Variants in CELSR3 observed in about 807,000 individuals in gnomAD.
The protein encoded by CELSR3 is cadherin EGF LAG seven-pass G-type receptor 3, also known as EGF-like protein 1.
Under a neutral mutation model 270.0 loss-of-function variants are expected in CELSR3, and 73 were observed. The observed-to-expected ratio is 0.27, with a 90% CI of 0.22 to 0.33. CELSR3 has a LOEUF of 0.33. CELSR3 is among the 10% of genes least tolerant of loss of function. The pLI is 1.00. For synonymous variants in CELSR3, 1,780 were observed against 1,905.4 expected (o/e 0.93, Z 1.71); for missense variants, 3,614 against 4,533.8 (o/e 0.80, Z 5.83).
chr3:48,648,241 C>A, intron 19 of CELSR3, 25 bp downstream of exon 19: 4 of 1,318,110 alleles, frequency 3.0e-6, no homozygotes, highest in South Asian at 1.2e-5. Flanking sequence ...CTGCTGTGCC[C>A]CGCCCTACCC....
Position 48,651,826 on chromosome 3 carries a change from G to A in CELSR3, c.5923+51C>T, listed in dbSNP as rs986060858. 6.4e-7 allele frequency: 1 copy of A among 1,557,188 alleles called. No homozygotes were observed. Among genetic ancestry groups the A allele is most frequent in the Non-Finnish European group, 8.7e-7 (1 of 1,155,062 alleles). On this transcript the variant is annotated intron_variant, in intron 12 of 34. Coordinates refer to ENST00000164024, the MANE Select transcript of CELSR3 (RefSeq NM_001407.3). This position sits in a 1 kb window ranked among gnomAD's most constrained non-coding sequence, Gnocchi z 7.4. Reference sequence around the variant, plus strand: ...TCAGGTTCCCCAGTCTTCATCATGGGCCCCTAACGCCTGCCCAGGTCACCC... The same window carrying A: ...TCAGGTTCCCCAGTCTTCATCATGGACCCCTAACGCCTGCCCAGGTCACCC...
Position 48,638,169 on chromosome 3 carries a change from C to T in CELSR3, c.*36G>A, listed in dbSNP as rs1376783698. The T allele has an allele frequency of 5.6e-6, 9 of 1,598,726 alleles. No individual in the cohort carries two copies. Among genetic ancestry groups the T allele is most frequent in the African/African-American group, 2.7e-5 (2 of 74,546 alleles). ...TCTCCTGTTAGCCTAGATCCTCTGTCGCCCTCAGCTGTTCCTCGTCCACGC... is the reference window on the plus strand; with the variant it reads ...TCTCCTGTTAGCCTAGATCCTCTGTTGCCCTCAGCTGTTCCTCGTCCACGC... On this transcript the variant is annotated 3_prime_UTR_variant, in exon 35 of 35. Coordinates refer to ENST00000164024, the MANE Select transcript of CELSR3 (RefSeq NM_001407.3).
Position 48,649,174 on chromosome 3 carries a change from C to T in CELSR3, c.6514G>A (p.Glu2172Lys). 1 of 1,612,148 alleles carries T rather than the reference C, an allele frequency of 6.2e-7. No individual in the cohort carries two copies. Among genetic ancestry groups the T allele is most frequent in the South Asian group, 1.1e-5 (1 of 90,732 alleles). The change falls in exon 17 of 35, where the codon GAG becomes AAG. Residue 2172 changes from glutamate to lysine, a missense_variant. Glu to Lys is a moderately conservative substitution (Grantham distance 56, BLOSUM62 1). This residue lies in a region of CELSR3 where 1,331 missense variants were observed against 1,933.7 expected (regional missense o/e 0.69). Coordinates refer to ENST00000164024, the MANE Select transcript of CELSR3 (RefSeq NM_001407.3). ...RLCDEAQGWL[E>K]PDLFNCTSPA... ...GAGGTACAGTTGAAGAGGTCGGGCT[C>T]CAGCCAACCCTGGGCCTCATCACAC... is the stretch of plus-strand genomic sequence containing the variant.
chr3:48,651,646 A>C lies in CELSR3; in HGVS notation c.5996T>G (p.Leu1999Arg). ...PCQNQGSCRH[L>R]PGAPHGYTCD... ...GGTATAGCCATGGGGGGCTCCTGGC[A>C]GGTGCCGGCATGATCCCTGGTTCTG... The change falls in exon 13 of 35, where the codon CTG becomes CGG. Residue 1999 changes from leucine (L) to arginine (R), a missense_variant. By Grantham distance (102) the Leu-to-Arg change is moderately radical. Transcript: ENST00000164024. The surrounding 1 kb of genome is among the most constrained non-coding windows in gnomAD (Gnocchi z 7.4). 3 of 1,590,556 alleles carry C rather than the reference A, an allele frequency of 1.9e-6. No homozygotes were observed. The highest frequency in any genetic ancestry group is 2.3e-5 in the South Asian group (2 of 87,912).
Position 48,651,656 on chromosome 3 carries a change from A to G in CELSR3, c.5986T>C (p.Cys1996Arg). 1 of 1,589,254 alleles carries G rather than the reference A, an allele frequency of 6.3e-7. No individual in the cohort carries two copies. The highest frequency in any genetic ancestry group is 1.3e-5 in the African/African-American group (1 of 74,212). The change falls in exon 13 of 35, where the codon TGC becomes CGC. Residue 1996 changes from cysteine (C) to arginine (R), a missense_variant. Cys to Arg is a radical substitution (Grantham distance 180, BLOSUM62 -3). Around this residue, in one of 7 missense-constraint regions of CELSR3, gnomAD observed 1,331 missense variants for 1,933.7 expected, o/e 0.69. Transcript: ENST00000164024. This position sits in a 1 kb window ranked among gnomAD's most constrained non-coding sequence, Gnocchi z 7.4. ...LLNPCQNQGSCRHLPGAPHGY... is the reference protein window; with the variant it reads ...LLNPCQNQGSRRHLPGAPHGY... ...TGGGGGGCTCCTGGCAGGTGCCGGC[A>G]TGATCCCTGGTTCTGACAGGGGTTC...
In CELSR3 at chr3:48,642,642, G is replaced by T; in HGVS notation, c.8555+94C>A. 1 of 1,522,442 alleles carries T rather than the reference G, an allele frequency of 6.6e-7. No individual in the cohort carries two copies. The highest frequency in any genetic ancestry group is 8.8e-7 in the Non-Finnish European group (1 of 1,135,222). 94.3% of individuals were successfully genotyped at this position (1,522,442 alleles called of 1,614,324 possible). A position where few individuals can be genotyped will look rare whatever the true frequency, so the allele number is the denominator to read the frequency against. ...GGGCCCCAGATGGCCAAGATGGGTG[G>T]AGCCACCCGCCCTAGGACCTGGTCA... On this transcript the variant is annotated intron_variant, in intron 30 of 34. Transcript: ENST00000164024. This position sits in a 1 kb window ranked among gnomAD's most constrained non-coding sequence, Gnocchi z 6.1.
intron 28 of CELSR3, 77 bp from the exon 29 acceptor site, chr3:48,643,160 T>G (rs2047045594): frequency 2.1e-6 from 2 of 965,498 alleles, no homozygotes; most frequent in Admixed American, 3.6e-5. Flanking sequence ...GGGTCAGCAA[T>G]GGGGTCAGTC....
Position 48,646,325 on chromosome 3 carries a change from C to T in CELSR3, c.7296-68G>A, listed in dbSNP as rs570243000. 60 of 1,495,954 alleles carry T rather than the reference C, an allele frequency of 4.0e-5. No individual in the cohort carries two copies. The East Asian group carries it at 6.2e-4, about 16-fold the overall frequency. 92.7% of individuals were successfully genotyped at this position (1,495,954 alleles called of 1,614,324 possible). On this transcript the variant is annotated intron_variant, in intron 21 of 34. Coordinates refer to ENST00000164024, the MANE Select transcript of CELSR3 (RefSeq NM_001407.3). This position sits in a 1 kb window ranked among gnomAD's most constrained non-coding sequence, Gnocchi z 4.8. ...CATGCTCAGCCTGCTTGCCTCACCC[C>T]GTCTTCATGCCACTCGCCAGGGCTG...
rs1180073990 is a variant in CELSR3 at position 48,645,195 on chromosome 3, T to C, written c.7812A>G (p.Ala2604=). ...AGAAGTAGTGCAGGAGGATGGCGAC[T>C]GCAGTGCACACCAGCTGAGGGCAGG... ...HRTHNQLVCT[A]VAILLHYFFL... The change falls in exon 25 of 35, where the codon GCA becomes GCG. Residue 2604 remains alanine (A), a synonymous_variant. Coordinates refer to ENST00000164024, the MANE Select transcript of CELSR3 (RefSeq NM_001407.3). This position sits in a 1 kb window ranked among gnomAD's most constrained non-coding sequence, Gnocchi z 5.4. 1.3e-6 allele frequency: 2 copies of C among 1,578,010 alleles called. No individual in the cohort carries two copies. The highest frequency in any genetic ancestry group is 8.7e-7 in the Non-Finnish European group (1 of 1,155,354).
rs1055415155 is a variant in CELSR3 at position 48,639,631 on chromosome 3, C to G, written c.9911+43G>C. On this transcript the variant is annotated intron_variant, in intron 34 of 34. Coordinates refer to ENST00000164024, the MANE Select transcript of CELSR3 (RefSeq NM_001407.3). The surrounding 1 kb of genome is among the most constrained non-coding windows in gnomAD (Gnocchi z 4.1). ...AGGGCAGGGCACACAGGAGGTTGCC[C>G]TAAGCTGATGAGGGTGCAAGCAGGT... 1.7e-5 allele frequency: 28 copies of G among 1,602,872 alleles called. No individual in the cohort carries two copies. In the Admixed American group the frequency reaches 3.2e-4, roughly 18 times the overall value.
intron 28 of CELSR3, chr3:48,643,295 G>T: frequency 1.6e-6 from 1 of 626,772 alleles, no homozygotes; most frequent in Non-Finnish European, 2.8e-6. Context: ...GTGTGGATCA[G>T]CAAGGGGTCG....
At position 48,656,768 on chromosome 3, in the gene CELSR3, T is replaced by C; in HGVS notation, c.4329A>G (p.Pro1443=). 1.3e-6 allele frequency: 2 copies of C among 1,563,090 alleles called. No homozygotes were observed. Among genetic ancestry groups the C allele is most frequent in the South Asian group, 1.2e-5 (1 of 84,320 alleles). Residue 1443 remains proline, a synonymous_variant, in exon 2 of 35, where the codon CCA becomes CCG. Coordinates refer to ENST00000164024, the MANE Select transcript of CELSR3 (RefSeq NM_001407.3). ...ETELDLCYSN[P]CRNGGACARR... is the part of the protein sequence containing the mutation. ...GCGCGCAGGCTCCGCCGTTGCGACA[T>C]GGGTTGGAGTAGCAGAGGTCGAGCT...
Position 48,659,617 on chromosome 3 carries a change from C to T in CELSR3, c.3018G>A (p.Gly1006=), listed in dbSNP as rs1288440526. 1 of 1,614,058 alleles carries T rather than the reference C, an allele frequency of 6.2e-7. No individual in the cohort carries two copies. The highest frequency in any genetic ancestry group is 1.3e-5 in the African/African-American group (1 of 74,936). Residue 1006 remains glycine, a synonymous_variant, in exon 1 of 35, where the codon GGG becomes GGA. Transcript: ENST00000164024. The surrounding 1 kb of genome is among the most constrained non-coding windows in gnomAD (Gnocchi z 8.1). Reference sequence around the variant, plus strand: ...TGGGCTCAATGGTAAAATCTCCATCCCCATCTTCACCATTCTGGAAAGTGT... The same window carrying T: ...TGGGCTCAATGGTAAAATCTCCATCTCCATCTTCACCATTCTGGAAAGTGT... ...VQYTFQNGED[G]DGDFTIEPTS... is the part of the protein sequence containing the mutation.
Position 48,650,432 on chromosome 3 carries a change from C to CCGGGGCGGGGG in CELSR3, c.6472+47_6472+48insCCCCCGCCCCG. On this transcript the variant is annotated intron_variant, in intron 16 of 34. Transcript: ENST00000164024. The surrounding 1 kb of genome is among the most constrained non-coding windows in gnomAD (Gnocchi z 5.1). ...AGACATGGCTCTAGCAGTCAGAGTA[C>CCGGGGCGGGGG]AGGCCCACCCCCACCCTCAGTGATG... is the stretch of plus-strand genomic sequence containing the variant. 1 of 1,208,944 alleles carries CCGGGGCGGGGG rather than the reference C, an allele frequency of 8.3e-7. No homozygotes were observed. The highest frequency in any genetic ancestry group is 1.2e-6 in the Non-Finnish European group (1 of 844,584). 74.9% of individuals were successfully genotyped at this position (1,208,944 alleles called of 1,614,324 possible).
At position 48,647,002 on chromosome 3, in the gene CELSR3, G is replaced by A. The variant is rs747460912; in HGVS notation, c.7130-74C>T. 1.2e-5 allele frequency: 17 copies of A among 1,370,852 alleles called. No individual in the cohort carries two copies. In the Admixed American group the frequency reaches 1.3e-4, roughly 10 times the overall value. The allele number at this position is 1,370,852 out of a possible 1,614,324, so 84.9% of individuals were successfully genotyped here. On this transcript the variant is annotated intron_variant, in intron 20 of 34. Coordinates refer to ENST00000164024, the MANE Select transcript of CELSR3 (RefSeq NM_001407.3). ...CACCCACCAACCCAGCTCTGAACCC[G>A]ATCAAGCATGGGGGTCTCTTCCCTG...
chr3:48,649,160 G>T lies in CELSR3; in HGVS notation c.6528C>A (p.Phe2176Leu). Residue 2176 changes from phenylalanine (F) to leucine (L), a missense_variant, in exon 17 of 35, where the codon TTC becomes TTA. Phe to Leu is a conservative substitution (Grantham distance 22). Coordinates refer to ENST00000164024, the MANE Select transcript of CELSR3 (RefSeq NM_001407.3). Reference protein sequence around the residue: ...EAQGWLEPDLFNCTSPAFREL... With the variant: ...EAQGWLEPDLLNCTSPAFREL... ...CTCGAAAGGCAGGGGAGGTACAGTT[G>T]AAGAGGTCGGGCTCCAGCCAACCCT... 6.2e-7 allele frequency: 1 copy of T among 1,612,532 alleles called. No homozygotes were observed. The highest frequency in any genetic ancestry group is 8.5e-7 in the Non-Finnish European group (1 of 1,179,566).
intron 19 of CELSR3, 94 bp downstream of exon 19, chr3:48,648,172 A>T: frequency 6.9e-7 from 1 of 1,454,800 alleles, no homozygotes; most frequent in Non-Finnish European, 9.4e-7. Flanking sequence ...TGCCATTAAC[A>T]TTGGCATTGA....
Position 48,640,014 on chromosome 3 carries a change from G to T in CELSR3, c.9571C>A (p.Leu3191Met). 2 of 1,612,124 alleles carry T rather than the reference G, an allele frequency of 1.2e-6. No homozygotes were observed. Among genetic ancestry groups the T allele is most frequent in the Non-Finnish European group, 8.5e-7 (1 of 1,179,902 alleles). ...SRDPLLPSRP[L>M]DSLSRSSNSR... ...TTCGAGCTCCTAGACAGAGAGTCCA[G>T]CGGCCGGGATGGCAAGAGGGGGTCC... Residue 3191 changes from leucine to methionine, a missense_variant, in exon 34 of 35, where the codon CTG becomes ATG. Leu to Met is a conservative substitution (Grantham distance 15). Coordinates refer to ENST00000164024, the MANE Select transcript of CELSR3 (RefSeq NM_001407.3). This position sits in a 1 kb window ranked among gnomAD's most constrained non-coding sequence, Gnocchi z 7.5.
chr3:48,652,424 T>C lies in CELSR3; in HGVS notation c.5751+13A>G. 3.8e-6 allele frequency: 6 copies of C among 1,599,172 alleles called. No individual in the cohort carries two copies. The highest frequency in any genetic ancestry group is 5.1e-6 in the Non-Finnish European group (6 of 1,166,660). ...CCTAATGCCCCATATCACATTCCCA[T>C]GCTGACCCCCACCTGGATGCAGCCA... On this transcript the variant is annotated intron_variant, in intron 11 of 34. Transcript: ENST00000164024. This position sits in a 1 kb window ranked among gnomAD's most constrained non-coding sequence, Gnocchi z 4.3.
Sources: gnomAD v4.1 joint callset for allele counts on GRCh38, gnomAD v4.1.1 for gene constraint, gnomAD v4.1.1 regional missense constraint, Gnocchi (gnomAD v3.1) non-coding constraint, MANE v1.5 for transcripts, NCBI Gene and HGNC (gene_info 2026-07-23, HGNC 2026-07-21) for gene names.